The following MAP4K4 variants were observed in gnomAD, a reference collection of about 807,000 sequenced individuals.
MAP4K4 encodes mitogen-activated protein kinase kinase kinase kinase 4, also known as HPK/GCK-like kinase HGK.
Under a neutral mutation model 189.6 loss-of-function variants are expected in MAP4K4, and 38 were observed. The observed-to-expected ratio is 0.20, with a 90% CI of 0.15 to 0.26. The LOEUF is 0.26. MAP4K4 is among the 10% of genes least tolerant of loss of function. The pLI, the probability that MAP4K4 is intolerant of heterozygous loss-of-function variation, is 1.00. For missense variants in MAP4K4, 1,054 were observed against 1,726.9 expected, an observed-to-expected ratio of 0.61 and a Z score of 6.91; for synonymous variants, 610 against 624.3, an observed-to-expected ratio of 0.98 and a Z score of 0.34.
At chr2:101,852,737 A>T (rs2097326580) in intron 12 of MAP4K4, among the ~76,000 whole-genome samples, 1 of 152,202 alleles carries the variant, frequency 6.6e-6, no homozygotes, top group Non-Finnish European at 1.5e-5. Flanking sequence ...ACGTGTGAAC[A>T]TGCACAGTTA....
At chr2:101,885,322 G>T in intron 29 of MAP4K4, 35 bp downstream of exon 29, 1 of 1,243,132 alleles carries the variant, frequency 8.0e-7, no homozygotes. Flanking sequence ...AGTAGTATTG[G>T]CCATTCAAGC....
chr2:101,841,469 C>CT (rs1401236466), intron 10 of MAP4K4, among the ~76,000 whole-genome samples: 2,744 of 145,310 alleles, frequency 0.019, 60 homozygotes, highest in African/African-American at 0.05. Context: ...TGATTTTCAT[C>CT]TTTTTTTTTT....
At chr2:101,836,401 A>AT (rs1431389883) in intron 9 of MAP4K4, among the ~76,000 whole-genome samples, 1 of 152,190 alleles carries the variant, frequency 6.6e-6, no homozygotes, top group Non-Finnish European at 1.5e-5. Context: ...CCTGACCAAC[A>AT]TGGAGAAACC....
chr2:101,874,038 T>C (rs1198260934), intron 25 of MAP4K4, 44 bp from the exon 26 acceptor site: 1 of 1,316,564 alleles, frequency 7.6e-7, no homozygotes, highest in Admixed American at 1.9e-5. Context: ...GCAGGCATAG[T>C]GTGTGTGTGT....
intron 29 of MAP4K4, 129 bp from the exon 30 acceptor site, chr2:101,886,959 A>G (rs2098495441): frequency 8.2e-6 from 5 of 612,426 alleles, no homozygotes; most frequent in Non-Finnish European, 1.3e-5. Flanking sequence ...TGGGAGGCGG[A>G]GCTTGCAGTG....
At chr2:101,857,140 A>G (rs1031508846) in intron 13 of MAP4K4, among the ~76,000 whole-genome samples, 1 of 152,224 alleles carries the variant, frequency 6.6e-6, no homozygotes, top group Non-Finnish European at 1.5e-5. Flanking sequence ...AATAATGATT[A>G]CAGTTCGATC....
At chr2:101,812,814 A>G (rs989651297) in intron 3 of MAP4K4, among the ~76,000 whole-genome samples, 31 of 152,082 alleles carry the variant, frequency 2.0e-4, no homozygotes, top group African/African-American at 7.5e-4. Context: ...ATTTGAGGAA[A>G]CTGTGTTTGC....
At chr2:101,822,145 T>G (rs1453189185) in intron 3 of MAP4K4, among the ~76,000 whole-genome samples, 3 of 152,248 alleles carry the variant, frequency 2.0e-5, no homozygotes, top group Non-Finnish European at 4.4e-5. Context: ...AGGAGTACAC[T>G]TTAATAAACA....
At chr2:101,745,300 C>G (rs1482464981) in intron 2 of MAP4K4, among the ~76,000 whole-genome samples, 1 of 138,250 alleles carries the variant, frequency 7.2e-6, no homozygotes, top group African/African-American at 3.0e-5. Flanking sequence ...TAAATTGAAT[C>G]AGAAATATGG....
chr2:101,781,315 G>A (rs1008615409), intron 2 of MAP4K4, among the ~76,000 whole-genome samples: 18 of 152,126 alleles, frequency 1.2e-4, no homozygotes, highest in African/African-American at 2.4e-4. Context: ...TCTTCTGCCC[G>A]TTTTCCCCAC....
intron 3 of MAP4K4, among the ~76,000 whole-genome samples, chr2:101,794,691 G>T (rs1018694685): frequency 6.6e-6 from 1 of 152,100 alleles, no homozygotes; most frequent in East Asian, 1.9e-4. Context: ...CTTTGCTTGT[G>T]CCAAGAATGT....
chr2:101,777,892 C>T lies in MAP4K4; in HGVS notation c.124-12828C>T, dbSNP rs145544923. Among the ~76,000 whole-genome samples, 635 of 152,300 alleles carry T rather than the reference C, an allele frequency of 4.2e-3. 4 individuals are homozygous for T. The highest frequency in any genetic ancestry group is 0.014 in the African/African-American group (596 of 41,560). ...CTTGCAAGAAGTGAAGAGACTTGTTCAGGTTCTTCAGTTTAGTGGCAGAGC... is the reference window on the plus strand; with the variant it reads ...CTTGCAAGAAGTGAAGAGACTTGTTTAGGTTCTTCAGTTTAGTGGCAGAGC... On this transcript the variant is annotated intron_variant, in intron 2 of 32. Coordinates refer to ENST00000324219, the Ensembl canonical transcript of MAP4K4.
intron 3 of MAP4K4, among the ~76,000 whole-genome samples, chr2:101,793,624 G>A (rs1297074743): frequency 6.8e-6 from 1 of 147,976 alleles, no homozygotes; most frequent in Non-Finnish European, 1.5e-5. Context: ...GCAAAAAGGT[G>A]CAAATACTTG....
intron 12 of MAP4K4, among the ~76,000 whole-genome samples, chr2:101,849,362 C>T (rs975121923): frequency 1.3e-5 from 2 of 152,080 alleles, no homozygotes; most frequent in East Asian, 1.9e-4. Context: ...CTCCTGGGCT[C>T]AAGCAATCCA....
chr2:101,830,735 A>G (rs1447259605), intron 6 of MAP4K4, among the ~76,000 whole-genome samples: 1 of 152,152 alleles, frequency 6.6e-6, no homozygotes, highest in African/African-American at 2.4e-5. Context: ...GTCTCCTGGT[A>G]CCAGCCTGTG....
intron 2 of MAP4K4, among the ~76,000 whole-genome samples, chr2:101,754,799 T>C (rs765290469): frequency 1.3e-5 from 2 of 152,208 alleles, no homozygotes; most frequent in Non-Finnish European, 1.5e-5. Context: ...AGCTCCATGT[T>C]GGAGCGAGAA....
At chr2:101,783,176 C>T (rs2088646156) in intron 2 of MAP4K4, among the ~76,000 whole-genome samples, 1 of 150,816 alleles carries the variant, frequency 6.6e-6, no homozygotes, top group Non-Finnish European at 1.5e-5. Flanking sequence ...CCTTCTAGCT[C>T]TCTGGGATTT....
At chr2:101,893,316 A>ATTTGTATGAG (rs1367561003) in exon 33 of MAP4K4, 4 of 455,236 alleles carry the variant, frequency 8.8e-6, no homozygotes, top group Admixed American at 2.4e-5. Flanking sequence ...TGGATGTTTC[A>ATTTGTATGAG]TTTGTATGAG....
intron 32 of MAP4K4, among the ~76,000 whole-genome samples, chr2:101,890,912 C>T (rs1344459733): frequency 6.6e-6 from 1 of 151,924 alleles, no homozygotes; most frequent in Admixed American, 6.6e-5. Flanking sequence ...AGGTGTGTGC[C>T]ACCACATGGT....
Sources: allele counts gnomAD v4.1 joint callset (sites outside exome capture counted in the v4.1 genomes callset), GRCh38; gene constraint gnomAD v4.1.1; transcripts MANE v1.5; gene names NCBI Gene and HGNC (gene_info 2026-07-23, HGNC 2026-07-21).